Variants in CAPN9 observed in about 807,000 individuals in gnomAD.
CAPN9 encodes calpain 9.
Under a neutral mutation model 92.8 loss-of-function variants are expected in CAPN9, and 81 were observed. That is an observed-to-expected ratio of 0.87 (90% confidence interval 0.73 to 1.05). The LOEUF (loss-of-function observed/expected upper bound fraction) is 1.05. Among genes scored for constraint, CAPN9 ranks in the 50% least tolerant of loss-of-function variants. The pLI is 0.00. For synonymous variants in CAPN9, 304 were observed against 328.0 expected (o/e 0.93, Z 0.79); for missense variants, 848 against 866.2 (o/e 0.98, Z 0.26).
At chr1:230,754,542 C>A (rs1665096589) in intron 1 of CAPN9, among the ~76,000 whole-genome samples, 1 of 150,798 alleles carries the variant, frequency 6.6e-6, no homozygotes, top group Admixed American at 6.6e-5. Flanking sequence ...TGGCATGTGT[C>A]TGTAACCTCA....
At chr1:230,791,421 C>G (rs1667975344) in intron 14 of CAPN9, among the ~76,000 whole-genome samples, 1 of 152,136 alleles carries the variant, frequency 6.6e-6, no homozygotes, top group Non-Finnish European at 1.5e-5. Context: ...TATGGGAGTA[C>G]AAATTTCTCC....
intron 7 of CAPN9, among the ~76,000 whole-genome samples, chr1:230,773,578 G>A (rs915383283): frequency 9.9e-5 from 15 of 152,134 alleles, no homozygotes; most frequent in East Asian, 1.9e-4. Flanking sequence ...GCGCCATCCC[G>A]ACTCCCTGAC....
Position 230,792,562 on chromosome 1 carries a change from A to G in CAPN9, c.1791+68A>G, listed in dbSNP as rs375802680. ...GAACCTAGAGCAGAGGGGATTTAAA[A>G]TGGTGCAGCAGGCTGCAGGCTATAG... On this transcript the variant is annotated intron_variant, in intron 16 of 19. Coordinates refer to ENST00000271971, the MANE Select transcript of CAPN9 (RefSeq NM_006615.3). The G allele has an allele frequency of 4.0e-6, 5 of 1,246,426 alleles. No homozygotes were observed. The African/African-American group carries it at 5.9e-5, about 15-fold the overall frequency. The allele number at this position is 1,246,426 out of a possible 1,614,324, so 77.2% of individuals were successfully genotyped here. A position where few individuals can be genotyped will look rare whatever the true frequency, so the allele number is the denominator to read the frequency against.
intron 8 of CAPN9, 104 bp downstream of exon 8, chr1:230,774,735 CTTTCTT>C (rs869074834): frequency 0.089 from 50,860 of 572,840 alleles, 662 homozygotes; most frequent in Non-Finnish European, 0.096. Flanking sequence ...TTCTTTCTTT[CTTTCTT>C]TTTTTTTTTT....
chr1:230,771,126 C>G lies in CAPN9; in HGVS notation c.790-888C>G, dbSNP rs180846039. On this transcript the variant is annotated intron_variant, in intron 6 of 19. Transcript: ENST00000271971. ...TTGCTTGATTTTGCTTCCTCTCCCC[C>G]CTACAAGGAACTCACCTGCCCTGAA... Among the ~76,000 whole-genome samples, 84 of 152,304 alleles carry G rather than the reference C, an allele frequency of 5.5e-4. No homozygotes were observed. The Middle Eastern group carries it at 0.01, about 19-fold the overall frequency.
At chr1:230,772,227 G>A (rs1331785472) in intron 7 of CAPN9, 128 bp downstream of exon 7, 16 of 728,678 alleles carry the variant, frequency 2.2e-5, no homozygotes, top group Admixed American at 9.7e-5. Context: ...ATCCTGTCCC[G>A]ATTCTGAGGT....
At chr1:230,790,276 C>T (rs1445348360) in intron 14 of CAPN9, 87 bp downstream of exon 14, 27 of 1,534,352 alleles carry the variant, frequency 1.8e-5, no homozygotes, top group Middle Eastern at 1.8e-4. Context: ...CTCCTCCGAG[C>T]CGCAGATCTG....
intron 7 of CAPN9, 127 bp downstream of exon 7, chr1:230,772,226 C>T (rs745338675): frequency 7.6e-4 from 569 of 751,800 alleles, no homozygotes; most frequent in Non-Finnish European, 1.1e-3. Context: ...GATCCTGTCC[C>T]GATTCTGAGG....
chr1:230,777,473 C>T (rs1257944679), intron 8 of CAPN9, among the ~76,000 whole-genome samples: 1 of 152,070 alleles, frequency 6.6e-6, no homozygotes, highest in Non-Finnish European at 1.5e-5. Context: ...TCTCTTCTCT[C>T]CCCTTACGTA....
chr1:230,781,057 C>G (rs545631036), intron 11 of CAPN9, among the ~76,000 whole-genome samples: 1 of 151,786 alleles, frequency 6.6e-6, no homozygotes, highest in South Asian at 2.1e-4. Context: ...TTAGTAGAGA[C>G]GGGGTTTCAC....
chr1:230,784,020 C>T (rs1406486416), intron 11 of CAPN9, among the ~76,000 whole-genome samples: 1 of 152,154 alleles, frequency 6.6e-6, no homozygotes, highest in African/African-American at 2.4e-5. Flanking sequence ...TGTGTCCATG[C>T]CCTAGGGATC....
At chr1:230,777,447 A>T (rs1477050454) in intron 8 of CAPN9, among the ~76,000 whole-genome samples, 2 of 151,842 alleles carry the variant, frequency 1.3e-5, no homozygotes, top group Non-Finnish European at 2.9e-5. Context: ...CAGCTCTAGG[A>T]TGTACCTCCT....
At chr1:230,753,126 C>T (rs1001845402) in intron 1 of CAPN9, among the ~76,000 whole-genome samples, 3 of 152,226 alleles carry the variant, frequency 2.0e-5, no homozygotes, top group Middle Eastern at 3.4e-3. Flanking sequence ...GAGCAGCTGC[C>T]CCCCACCTTC....
chr1:230,785,986 T>C lies in CAPN9; in HGVS notation c.1487T>C (p.Met496Thr), dbSNP rs1558111237. The C allele has an allele frequency of 6.2e-7, 1 of 1,614,040 alleles. No homozygotes were observed. The highest frequency in any genetic ancestry group is 8.5e-7 in the Non-Finnish European group (1 of 1,179,866). The change falls in exon 12 of 20, where the codon ATG (methionine) becomes ACG (threonine). Residue 496 changes from methionine (M) to threonine (T), a missense_variant. Transcript: ENST00000271971. ...FSEKKAITRD[M>T]DGNVDIDLPE... ...GTGTTTTTCTGCCCCTACAGGGATA[T>C]GGATGGAAATGTAGACATTGACCTT...
intron 4 of CAPN9, among the ~76,000 whole-genome samples, chr1:230,766,294 TA>T (rs1372946218): frequency 6.6e-6 from 1 of 152,184 alleles, no homozygotes; most frequent in African/African-American, 2.4e-5. Context: ...TTTCATTTTT[TA>T]TTTTTATGGA....
chr1:230,801,750 A>G lies in CAPN9; in HGVS notation c.*154A>G, dbSNP rs1668738886. ...TTCATCTTGATCTGGGAAGAATGAA[A>G]TGAACTCAGCTACACTCTCTGATTT... On this transcript the variant is annotated 3_prime_UTR_variant, in exon 20 of 20. Coordinates refer to ENST00000271971, the MANE Select transcript of CAPN9 (RefSeq NM_006615.3). The G allele has an allele frequency of 1.3e-6, 1 of 745,276 alleles. No homozygotes were observed. Among genetic ancestry groups the G allele is most frequent in the Non-Finnish European group, 2.4e-6 (1 of 416,236 alleles). The allele number at this position is 745,276 out of a possible 1,614,324, so 46.2% of individuals were successfully genotyped here.
intron 19 of CAPN9, among the ~76,000 whole-genome samples, chr1:230,801,039 C>T (rs1668695282): frequency 6.6e-6 from 1 of 152,174 alleles, no homozygotes; most frequent in Non-Finnish European, 1.5e-5. Context: ...CCCAAGTCAC[C>T]ATGCTGTAAT....
chr1:230,750,809 C>A (rs978513630), intron 1 of CAPN9, among the ~76,000 whole-genome samples: 5 of 150,338 alleles, frequency 3.3e-5, no homozygotes, highest in Admixed American at 3.3e-4. Flanking sequence ...GAGCCCAGGG[C>A]AAGGAGTGCA....
chr1:230,768,021 T>C (rs1441114553), intron 5 of CAPN9, among the ~76,000 whole-genome samples: 3 of 82,214 alleles, frequency 3.6e-5, no homozygotes, highest in Non-Finnish European at 8.0e-5. Flanking sequence ...AATAAATAAA[T>C]AAATAAATAA....
Sources: gnomAD v4.1 joint callset for allele counts (sites outside exome capture counted in the v4.1 genomes callset) on GRCh38, gnomAD v4.1.1 for gene constraint, MANE v1.5 for transcripts, NCBI Gene and HGNC (gene_info 2026-07-23, HGNC 2026-07-21) for gene names.